Variants in NAP1L4 observed in about 807,000 individuals in gnomAD.
The protein encoded by NAP1L4 is nucleosome assembly protein 1-like 4.
Under a neutral mutation model 58.2 loss-of-function variants are expected in NAP1L4, and 15 were observed. The ratio of observed to expected loss-of-function variants is 0.26; its 90% CI spans 0.17 to 0.40. The LOEUF (loss-of-function observed/expected upper bound fraction) is 0.40, where lower values mean the gene tolerates loss of function less well. Ranked by LOEUF, NAP1L4 falls within the 10% of genes least tolerant of loss-of-function variation. The pLI is 1.00. For missense variants in NAP1L4, 384 were observed against 451.1 expected (o/e 0.85, Z 1.35); for synonymous variants, 171 against 155.6 (o/e 1.10, Z -0.74).
chr11:2,966,323 C>T (rs984939781), intron 7 of NAP1L4, among the ~76,000 whole-genome samples: 1 of 152,182 alleles, frequency 6.6e-6, no homozygotes, highest in African/African-American at 2.4e-5. Context: ...TCTGAAAACA[C>T]GCACTAAATT....
chr11:2,990,045 C>T (rs578109837), intron 1 of NAP1L4: 2 of 152,258 alleles, frequency 1.3e-5, no homozygotes, highest in Non-Finnish European at 2.9e-5. Context: ...AGAATTCAAC[C>T]AATTTCTCCA....
At chr11:2,961,146 T>TA (rs756870002) in intron 8 of NAP1L4, among the ~76,000 whole-genome samples, 12 of 151,848 alleles carry the variant, frequency 7.9e-5, no homozygotes, top group South Asian at 4.2e-4. Context: ...TTAAGAGGAC[T>TA]AAAAAAAATA....
At position 2,946,853 on chromosome 11, in the gene NAP1L4, G is replaced by A. The variant is rs928454881; in HGVS notation, c.*33-1207C>T. Reference sequence around the variant, plus strand: ...AAGGGTAGACTGAAGGTGGCCCAGTGTAGTGGCCAAGAACACTGAGCCACT... The same window carrying A: ...AAGGGTAGACTGAAGGTGGCCCAGTATAGTGGCCAAGAACACTGAGCCACT... On this transcript the variant is annotated intron_variant, in intron 15 of 15. Coordinates refer to ENST00000380542, the MANE Select transcript of NAP1L4 (RefSeq NM_005969.4). This position sits in a 1 kb window ranked among gnomAD's most constrained non-coding sequence, Gnocchi z 4.8. 3.9e-5 allele frequency among the ~76,000 whole-genome samples: 6 copies of A among 152,188 alleles called. No individual in the cohort carries two copies. Among genetic ancestry groups the A allele is most frequent in the African/African-American group, 1.4e-4 (6 of 41,442 alleles).
At chr11:2,979,302 T>C (rs1322055873) in intron 1 of NAP1L4, 65 bp from the exon 2 acceptor site, 1 of 1,371,260 alleles carries the variant, frequency 7.3e-7, no homozygotes, top group African/African-American at 1.5e-5. Context: ...AATATACTTT[T>C]TAAACAACGG....
chr11:2,976,138 G>C lies in NAP1L4; in HGVS notation c.74-15C>G. The C allele has an allele frequency of 6.3e-7, 1 of 1,596,998 alleles. No individual in the cohort carries two copies. Among genetic ancestry groups the C allele is most frequent in the East Asian group, 2.2e-5 (1 of 44,732 alleles). ...TGTGAGCTTTTCTATGAAGAGTTAAGACCAAACATATTTAAAATATGCCCA... is the reference window on the plus strand; with the variant it reads ...TGTGAGCTTTTCTATGAAGAGTTAACACCAAACATATTTAAAATATGCCCA... On this transcript the variant is annotated splice_polypyrimidine_tract_variant and intron_variant, in intron 3 of 15. Coordinates refer to ENST00000380542, the MANE Select transcript of NAP1L4 (RefSeq NM_005969.4).
intron 1 of NAP1L4, chr11:2,989,784 A>G (rs764243714): frequency 6.6e-6 from 1 of 152,238 alleles, no homozygotes; most frequent in Non-Finnish European, 1.5e-5. Flanking sequence ...TCAAATTCAA[A>G]TTCATACTGT....
intron 7 of NAP1L4, among the ~76,000 whole-genome samples, chr11:2,965,111 G>A (rs1847184082): frequency 6.6e-6 from 1 of 152,228 alleles, no homozygotes; most frequent in Admixed American, 6.5e-5. Context: ...AACCAAGACT[G>A]TTGGTCCTCA....
intron 8 of NAP1L4, chr11:2,963,779 C>T (rs187919040): frequency 4.6e-5 from 24 of 519,300 alleles, no homozygotes; most frequent in Non-Finnish European, 7.3e-5. Context: ...GCATTTGTCT[C>T]CAAGACCTGA....
chr11:2,975,967 C>T, intron 4 of NAP1L4, 57 bp downstream of exon 4: 9 of 1,486,516 alleles, frequency 6.1e-6, no homozygotes, highest in Admixed American at 2.0e-5. Flanking sequence ...GTGGTTTTTC[C>T]TTTATTTTCC....
chr11:2,947,415 T>G (rs975076603), intron 15 of NAP1L4, among the ~76,000 whole-genome samples: 1 of 152,188 alleles, frequency 6.6e-6, no homozygotes, highest in Non-Finnish European at 1.5e-5. Context: ...GAGTAGGCCA[T>G]GCACCTGACT....
At chr11:2,977,687 T>C (rs1377465857) in intron 3 of NAP1L4, among the ~76,000 whole-genome samples, 1 of 151,994 alleles carries the variant, frequency 6.6e-6, no homozygotes, top group Non-Finnish European at 1.5e-5. Context: ...GTAATGACAT[T>C]GTAGAATTGT....
At chr11:2,990,390 C>A (rs188729624) in intron 1 of NAP1L4, 1 of 152,168 alleles carries the variant, frequency 6.6e-6, no homozygotes, top group African/African-American at 2.4e-5. Context: ...CTTTGGATTA[C>A]TTTCCCATTC....
At position 2,951,839 on chromosome 11, in the gene NAP1L4, T is replaced by C. The variant is rs1270876404; in HGVS notation, c.1036-30A>G. On this transcript the variant is annotated intron_variant, in intron 12 of 15. Coordinates refer to ENST00000380542, the MANE Select transcript of NAP1L4 (RefSeq NM_005969.4). This position sits in a 1 kb window ranked among gnomAD's most constrained non-coding sequence, Gnocchi z 4.0. ...AGAAACACAGAAAAACATTTTTAGG[T>C]TTACAAAACATGACAGCAGCCTGCC... The C allele has an allele frequency of 6.2e-7, 1 of 1,611,248 alleles. No homozygotes were observed. Among genetic ancestry groups the C allele is most frequent in the Non-Finnish European group, 8.5e-7 (1 of 1,177,624 alleles).
rs1170105774 is a variant in NAP1L4, at chr11:2,955,426, G to C, written c.915+318C>G. Among the ~76,000 whole-genome samples, 1 of 151,346 alleles carries C rather than the reference G, an allele frequency of 6.6e-6. No homozygotes were observed. Among genetic ancestry groups the C allele is most frequent in the African/African-American group, 2.4e-5 (1 of 41,064 alleles). ...TCACCATGTTGACCAGACTGGTCTT[G>C]AACTCCTGACCTCTGGTGATCCACC... On this transcript the variant is annotated intron_variant, in intron 11 of 15. Transcript: ENST00000380542. The surrounding 1 kb of genome is among the most constrained non-coding windows in gnomAD (Gnocchi z 4.2).
intron 12 of NAP1L4, 198 bp from the exon 13 acceptor site, chr11:2,952,007 A>G (rs1012650963): frequency 1.1e-5 from 7 of 632,158 alleles, no homozygotes; most frequent in Non-Finnish European, 2.0e-5. Context: ...AGGAAATTGA[A>G]AGTCACGCAA....
At chr11:2,978,600 C>T (rs1431556451) in intron 2 of NAP1L4, among the ~76,000 whole-genome samples, 1 of 152,154 alleles carries the variant, frequency 6.6e-6, no homozygotes, top group Non-Finnish European at 1.5e-5. Flanking sequence ...TTAGCCAAAG[C>T]TTCTTAGCTC....
In NAP1L4 at chr11:2,962,113, G is replaced by A. The variant is rs916483163; in HGVS notation, c.607-2204C>T. Among the ~76,000 whole-genome samples, 7 of 83,290 alleles carry A rather than the reference G, an allele frequency of 8.4e-5. No homozygotes were observed. The East Asian group carries it at 1.2e-3, about 15-fold the overall frequency. The allele number at this position is 83,290 out of a possible 152,430, so 54.6% of individuals were successfully genotyped here. A position where few individuals can be genotyped will look rare whatever the true frequency, so the allele number is the denominator to read the frequency against. On this transcript the variant is annotated intron_variant, in intron 8 of 15. Coordinates refer to ENST00000380542, the MANE Select transcript of NAP1L4 (RefSeq NM_005969.4). The stretch of plus-strand genomic sequence containing the variant: ...CTCATGTCTGTAATCCCAACTGAAC[G>A]ACCTTTGGGCCTTCTAAAGCTTCAT...
chr11:2,961,143 G>C (rs1047601556), intron 8 of NAP1L4, among the ~76,000 whole-genome samples: 1 of 151,880 alleles, frequency 6.6e-6, no homozygotes, highest in African/African-American at 2.4e-5. Context: ...AAATTAAGAG[G>C]ACTAAAAAAA....
At chr11:2,956,741 T>A (rs2133921901) in intron 10 of NAP1L4, among the ~76,000 whole-genome samples, 1 of 152,332 alleles carries the variant, frequency 6.6e-6, no homozygotes, top group South Asian at 2.1e-4. Flanking sequence ...AAGTCATGAA[T>A]AGTACAAGGA....
Sources: gnomAD v4.1 joint callset for allele counts (sites outside exome capture counted in the v4.1 genomes callset) on GRCh38, gnomAD v4.1.1 for gene constraint, Gnocchi (gnomAD v3.1) non-coding constraint, MANE v1.5 for transcripts, NCBI Gene and HGNC (gene_info 2026-07-23, HGNC 2026-07-21) for gene names.